Variants in TNK2 observed in about 807,000 individuals in gnomAD.
The protein encoded by TNK2 is activated CDC42 kinase 1.
In TNK2, 83 loss-of-function variants were observed where a neutral mutation model predicts 101.8. That is an observed-to-expected ratio of 0.82 (90% CI 0.68 to 0.98). The LOEUF is 0.98. TNK2 is among the 50% of genes least tolerant of loss of function. The pLI, the probability that TNK2 is intolerant of heterozygous loss-of-function variation, is 0.00. For synonymous variants in TNK2, 804 were observed against 633.0 expected, an observed-to-expected ratio of 1.27 and a Z score of -4.06; for missense variants, 1,665 against 1,483.2, an observed-to-expected ratio of 1.12 and a Z score of -2.01.
At chr3:195,873,954 G>T (rs768133380) in intron 9 of TNK2, among the ~76,000 whole-genome samples, 16 of 152,316 alleles carry the variant, frequency 1.1e-4, no homozygotes, top group African/African-American at 3.8e-4. Flanking sequence ...GGGAGGGAAG[G>T]AAGGAGAGAG....
chr3:195,882,502 C>T lies in TNK2; in HGVS notation c.610-174G>A, dbSNP rs1462708758. Reference sequence around the variant, plus strand: ...GTCCTGCAGTTTCTCAGGCCTCTCCCTCGAGGCAATTTGGGAAACTGATGC... The same window carrying T: ...GTCCTGCAGTTTCTCAGGCCTCTCCTTCGAGGCAATTTGGGAAACTGATGC... On this transcript the variant is annotated intron_variant, in intron 5 of 15. Coordinates refer to ENST00000672887, the MANE Select transcript of TNK2 (RefSeq NM_001382273.1). The surrounding 1 kb of genome is among the most constrained non-coding windows in gnomAD (Gnocchi z 4.2). The T allele has an allele frequency of 1.3e-6, 2 of 1,538,332 alleles. No homozygotes were observed. Among genetic ancestry groups the T allele is most frequent in the African/African-American group, 2.7e-5 (2 of 73,034 alleles).
rs1186804197 is a variant in TNK2 at position 195,863,736 on chromosome 3, G to A, written c.*445C>T. On this transcript the variant is annotated 3_prime_UTR_variant, in exon 16 of 16. Transcript: ENST00000672887. The stretch of plus-strand genomic sequence containing the variant: ...CCCCCTGGAAGAAGGCCCAGTCCTA[G>A]GAGGTCCCACCGGGTGCCGGTCCGC... 5.8e-6 allele frequency: 1 copy of A among 172,832 alleles called. No homozygotes were observed. Among genetic ancestry groups the A allele is most frequent in the African/African-American group, 2.4e-5 (1 of 42,242 alleles). 10.7% of individuals were successfully genotyped at this position (172,832 alleles called of 1,614,324 possible).
At position 195,868,563 on chromosome 3, in the gene TNK2, T is replaced by A. The variant is rs934457419; in HGVS notation, c.1735A>T (p.Ser579Cys). The change falls in exon 13 of 16, where the codon AGC (serine) becomes TGC (cysteine). Residue 579 changes from serine to cysteine, a missense_variant. Coordinates refer to ENST00000672887, the MANE Select transcript of TNK2 (RefSeq NM_001382273.1). Reference protein sequence around the residue: ...RVPGTKASRGSGAEVTLIDFG... With the variant: ...RVPGTKASRGCGAEVTLIDFG... ...TCGATGAGCGTGACCTCAGCCCCGC[T>A]GCCTCGGCTGGCCTTGGTGCCCGGC... 1 of 1,573,440 alleles carries A rather than the reference T, an allele frequency of 6.4e-7. No individual in the cohort carries two copies. Among genetic ancestry groups the A allele is most frequent in the Non-Finnish European group, 8.6e-7 (1 of 1,168,038 alleles).
chr3:195,901,237 T>C (rs921677543), intron 1 of TNK2, among the ~76,000 whole-genome samples: 1 of 152,124 alleles, frequency 6.6e-6, no homozygotes, highest in Non-Finnish European at 1.5e-5. Context: ...TGGTCCAAGG[T>C]ACCAGGAAGC....
In TNK2 at chr3:195,872,415, A is replaced by G. The variant is rs1206253815; in HGVS notation, c.1312T>C (p.Phe438Leu). 6.2e-7 allele frequency: 1 copy of G among 1,612,780 alleles called. No individual in the cohort carries two copies. Among genetic ancestry groups the G allele is most frequent in the Non-Finnish European group, 8.5e-7 (1 of 1,179,654 alleles). Residue 438 changes from phenylalanine (F) to leucine (L), a missense_variant, in exon 10 of 16, where the codon TTC (phenylalanine) becomes CTC (leucine). Around this residue, in one of 3 missense-constraint regions of TNK2, gnomAD observed 1,136 missense variants for 894.9 expected, o/e 1.27. Transcript: ENST00000672887. ...QNTRTLCVGP[F>L]PRNVVTSVAG... ...ACGGAGGTCACCACGTTGCGAGGGA[A>G]GGGCCCCACACACAGCGTCCGTGTG...
chr3:195,906,460 G>A (rs908149185), intron 1 of TNK2, among the ~76,000 whole-genome samples: 4 of 152,114 alleles, frequency 2.6e-5, no homozygotes, highest in Admixed American at 2.6e-4. Context: ...GTTGATACGC[G>A]CAACCACCTG....
At position 195,867,164 on chromosome 3, in the gene TNK2, G is replaced by C; in HGVS notation, c.3033+5C>G. 2.5e-6 allele frequency: 4 copies of C among 1,612,420 alleles called. No individual in the cohort carries two copies. The highest frequency in any genetic ancestry group is 3.4e-6 in the Non-Finnish European group (4 of 1,179,716). Reference sequence around the variant, plus strand: ...AGAGCCAGAGTGAGCAGGAGGTGGCGGTACCTTCAGATACTGGGCAGCCCT... The same window carrying C: ...AGAGCCAGAGTGAGCAGGAGGTGGCCGTACCTTCAGATACTGGGCAGCCCT... On this transcript the variant is annotated splice_donor_5th_base_variant and intron_variant, in intron 14 of 15. Coordinates refer to ENST00000672887, the MANE Select transcript of TNK2 (RefSeq NM_001382273.1).
At position 195,872,344 on chromosome 3, in the gene TNK2, G is replaced by A; in HGVS notation, c.1383C>T (p.Ser461=). 1.2e-6 allele frequency: 2 copies of A among 1,613,396 alleles called. No homozygotes were observed. Among genetic ancestry groups the A allele is most frequent in the Non-Finnish European group, 1.7e-6 (2 of 1,179,938 alleles). Residue 461 remains serine, a synonymous_variant, in exon 10 of 16, where the codon AGC becomes AGT. Coordinates refer to ENST00000672887, the MANE Select transcript of TNK2 (RefSeq NM_001382273.1). ...AQDISQPLQN[S]FIHTGHGDSD... is the part of the protein sequence containing the mutation. ...TGTCGCCATGCCCTGTGTGGATGAAGCTGTTCTGCAGGGGCTGGCTGATGT... is the reference window on the plus strand; with the variant it reads ...TGTCGCCATGCCCTGTGTGGATGAAACTGTTCTGCAGGGGCTGGCTGATGT...
intron 10 of TNK2, among the ~76,000 whole-genome samples, chr3:195,870,955 T>G (rs1577009711): frequency 7.6e-6 from 1 of 132,274 alleles, no homozygotes; most frequent in Non-Finnish European, 1.6e-5. Context: ...GGTTCTGGTG[T>G]GGGGGGACTC....
chr3:195,871,703 T>C (rs987087049), intron 10 of TNK2, among the ~76,000 whole-genome samples: 3 of 152,338 alleles, frequency 2.0e-5, no homozygotes, highest in South Asian at 2.1e-4. Flanking sequence ...CAGAAGCTCC[T>C]GACCCTACTT....
intron 15 of TNK2, among the ~76,000 whole-genome samples, 198 bp downstream of exon 15, chr3:195,866,691 A>G (rs1405792642): frequency 6.6e-6 from 1 of 152,222 alleles, no homozygotes; most frequent in Non-Finnish European, 1.5e-5. Flanking sequence ...TTGAAAACCA[A>G]GTGGCTAAAA....
At position 195,868,211 on chromosome 3, in the gene TNK2, G is replaced by A. The variant is rs1007853359; in HGVS notation, c.2087C>T (p.Pro696Leu). The A allele has an allele frequency of 1.2e-6, 2 of 1,607,360 alleles. No homozygotes were observed. The highest frequency in any genetic ancestry group is 2.7e-5 in the African/African-American group (2 of 74,828). The change falls in exon 13 of 16, where the codon CCT (proline) becomes CTT (leucine). Residue 696 changes from proline to leucine, a missense_variant. Around this residue, in one of 3 missense-constraint regions of TNK2, gnomAD observed 1,136 missense variants for 894.9 expected, o/e 1.27. Transcript: ENST00000672887. ...GAGGAACAGGTTGTCCTCCAGGGGA[G>A]GGGGCGGCCGCGCCTGCTCAGGCAC... Reference protein sequence around the residue: ...AFVPEQARPPPPLEDNLFLPP... With the variant: ...AFVPEQARPPLPLEDNLFLPP...
intron 11 of TNK2, 60 bp from the exon 12 acceptor site, chr3:195,869,601 G>A (rs536396725): frequency 2.0e-5 from 30 of 1,516,700 alleles, no homozygotes; most frequent in Non-Finnish European, 2.7e-5. Context: ...GGACAAAGGA[G>A]GGAGACGGCC....
At chr3:195,889,942 C>G (rs1178651602) in intron 1 of TNK2, among the ~76,000 whole-genome samples, 1 of 152,218 alleles carries the variant, frequency 6.6e-6, no homozygotes, top group Non-Finnish European at 1.5e-5. Context: ...GCCTCCTCCC[C>G]AGCTCCCATC....
chr3:195,892,502 G>C, intron 1 of TNK2: 2 of 1,535,052 alleles, frequency 1.3e-6, no homozygotes, highest in Non-Finnish European at 1.7e-6. Context: ...CACGCAGCGG[G>C]ACCCCCCCGA....
intron 1 of TNK2, among the ~76,000 whole-genome samples, chr3:195,905,355 A>C (rs1448197580): frequency 6.6e-6 from 1 of 152,028 alleles, no homozygotes; most frequent in Non-Finnish European, 1.5e-5. Context: ...GCCCGCCACC[A>C]CGCCTGGCTA....
chr3:195,876,562 G>A (rs748871675), intron 9 of TNK2: 20 of 456,538 alleles, frequency 4.4e-5, no homozygotes, highest in South Asian at 2.5e-4. Context: ...ACCCAGGCCC[G>A]CTCCCAAGCC....
rs759733357 is a variant in TNK2 at position 195,888,624 on chromosome 3, G to T, written c.-18-18C>A. Reference sequence around the variant, plus strand: ...CCCAGCCTCTGTGGGGGGAGGAGTGGCTCAGGGACAAGGGTTGTGGGGGGA... The same window carrying T: ...CCCAGCCTCTGTGGGGGGAGGAGTGTCTCAGGGACAAGGGTTGTGGGGGGA... On this transcript the variant is annotated intron_variant, in intron 1 of 15. Transcript: ENST00000672887. This position sits in a 1 kb window ranked among gnomAD's most constrained non-coding sequence, Gnocchi z 5.3. The T allele has an allele frequency of 2.8e-5, 45 of 1,598,590 alleles. No homozygotes were observed. Among genetic ancestry groups the T allele is most frequent in the Non-Finnish European group, 3.8e-5 (45 of 1,173,142 alleles).
At chr3:195,890,345 C>T (rs1560533242) in intron 1 of TNK2, among the ~76,000 whole-genome samples, 1 of 152,116 alleles carries the variant, frequency 6.6e-6, no homozygotes, top group African/African-American at 2.4e-5. Context: ...CATTCTCGCA[C>T]TGTCCCAAAT....
Sources: gnomAD v4.1 joint callset for allele counts (sites outside exome capture counted in the v4.1 genomes callset) on GRCh38, gnomAD v4.1.1 for gene constraint, gnomAD v4.1.1 regional missense constraint, Gnocchi (gnomAD v3.1) non-coding constraint, MANE v1.5 for transcripts, NCBI Gene and HGNC (gene_info 2026-07-23, HGNC 2026-07-21) for gene names.